MYOM2: variants seen among roughly 807,000 people sequenced by gnomAD.
MYOM2 encodes myomesin 2, also known as myomesin-2.
In MYOM2, 254 loss-of-function variants were observed where a neutral mutation model predicts 187.6. The observed-to-expected ratio is 1.35, with a 90% CI of 1.22 to 1.50. The LOEUF (loss-of-function observed/expected upper bound fraction) is 1.50, where lower values mean the gene tolerates loss of function less well. MYOM2 is among the 40% of genes most tolerant of loss of function. The pLI, the probability that MYOM2 is intolerant of heterozygous loss-of-function variation, is 0.00. For missense variants in MYOM2, 2,796 were observed against 1,924.0 expected (o/e 1.45, Z -8.48); for synonymous variants, 981 against 753.8 (o/e 1.30, Z -4.94).
At chr8:2,096,491 G>C in intron 18 of MYOM2, 57 bp downstream of exon 18, 1 of 1,553,886 alleles carries the variant, frequency 6.4e-7, no homozygotes, top group African/African-American at 1.4e-5. Flanking sequence ...TTACATTTTT[G>C]GCAATGTTTC....
chr8:2,134,606 T>C lies in MYOM2; in HGVS notation c.3800+5374T>C, dbSNP rs184128846. Among the ~76,000 whole-genome samples, 712 of 152,334 alleles carry C rather than the reference T, an allele frequency of 4.7e-3. 13 individuals are homozygous for C. Among genetic ancestry groups the C allele is most frequent in the East Asian group, 0.045 (231 of 5,174 alleles). The stretch of plus-strand genomic sequence containing the variant: ...TTCCCTTTTCCTTTTACATTTGTTC[T>C]GCTGGGAGGCGCTGGCCTCTCCTCT... On this transcript the variant is annotated intron_variant, in intron 32 of 36. Coordinates refer to ENST00000262113, the MANE Select transcript of MYOM2 (RefSeq NM_003970.4).
rs774079900 is a variant in MYOM2, at chr8:2,144,738, C to T, written c.4155C>T (p.Ile1385=). ...TTTGGTTCAAGAACGACCAGGACAT[C>T]CAGCTCAGCGAGCACTTCTCGGTGA... ...EVIWFKNDQD[I]QLSEHFSVKV... Residue 1385 remains isoleucine, a synonymous_variant, in exon 37 of 37, where the codon ATC becomes ATT. Transcript: ENST00000262113. 3 of 1,614,158 alleles carry T rather than the reference C, an allele frequency of 1.9e-6. No individual in the cohort carries two copies. The Admixed American group carries it at 5.0e-5, about 27-fold the overall frequency.
intron 27 of MYOM2, among the ~76,000 whole-genome samples, 199 bp from the exon 28 acceptor site, chr8:2,117,686 C>T (rs755051756): frequency 6.6e-6 from 1 of 152,008 alleles, no homozygotes; most frequent in Non-Finnish European, 1.5e-5. Flanking sequence ...ACATCCCAGG[C>T]CTGAAAACTA....
rs142648200 is a variant in MYOM2, at chr8:2,089,865, C to T, written c.1645-143C>T. 7 of 595,516 alleles carry T rather than the reference C, an allele frequency of 1.2e-5. No homozygotes were observed. In the African/African-American group the frequency reaches 1.3e-4, roughly 11 times the overall value. The allele number at this position is 595,516 out of a possible 1,614,324, so 36.9% of individuals were successfully genotyped here. ...TGTTTCATAAAACTCAAAAAAGATG[C>T]ATGACCATCCTTTGTGTGCGAGACG... On this transcript the variant is annotated intron_variant, in intron 14 of 36. Transcript: ENST00000262113.
intron 6 of MYOM2, among the ~76,000 whole-genome samples, chr8:2,061,191 G>T (rs201732439): frequency 6.6e-6 from 1 of 151,690 alleles, no homozygotes; most frequent in East Asian, 2.0e-4. Context: ...TGAGGGAGGG[G>T]GTCTCTGTCC....
intron 32 of MYOM2, among the ~76,000 whole-genome samples, chr8:2,138,462 G>C (rs1186755683): frequency 2.0e-5 from 3 of 152,216 alleles, no homozygotes; most frequent in African/African-American, 7.2e-5. Flanking sequence ...ATTCCTGAAG[G>C]ATTGCCTGGT....
At chr8:2,142,222 C>A (rs1414176052) in intron 34 of MYOM2, among the ~76,000 whole-genome samples, 153 bp from the exon 35 acceptor site, 1 of 152,190 alleles carries the variant, frequency 6.6e-6, no homozygotes, top group East Asian at 1.9e-4. Context: ...TCCTGGGGTC[C>A]TGTGACCCGA....
chr8:2,056,702 C>A (rs1818677507), intron 3 of MYOM2, among the ~76,000 whole-genome samples: 1 of 152,164 alleles, frequency 6.6e-6, no homozygotes, highest in South Asian at 2.1e-4. Context: ...TGCTGCCCTG[C>A]AGAGGAAAAC....
intron 3 of MYOM2, among the ~76,000 whole-genome samples, chr8:2,053,995 C>T (rs1444006623): frequency 2.0e-5 from 3 of 152,164 alleles, no homozygotes; most frequent in Non-Finnish European, 4.4e-5. Flanking sequence ...GAAGCCTGCT[C>T]TATCACCGTC....
intron 10 of MYOM2, among the ~76,000 whole-genome samples, chr8:2,074,734 G>T (rs376913526): frequency 6.0e-4 from 92 of 152,292 alleles, no homozygotes; most frequent in African/African-American, 2.1e-3. Flanking sequence ...TGGGATTACA[G>T]GTGTGAGCCA....
chr8:2,116,328 G>A (rs1797244684), intron 27 of MYOM2, 53 bp downstream of exon 27: 8 of 1,505,078 alleles, frequency 5.3e-6, no homozygotes, highest in African/African-American at 1.4e-5. Context: ...AAGCAAAGAT[G>A]ATTGGAGTAT....
intron 8 of MYOM2, among the ~76,000 whole-genome samples, chr8:2,070,041 A>G (rs1819160515): frequency 6.6e-6 from 1 of 152,156 alleles, no homozygotes; most frequent in Non-Finnish European, 1.5e-5. Context: ...CTGGCCCTGT[A>G]ATGAGGCGAA....
intron 3 of MYOM2, among the ~76,000 whole-genome samples, chr8:2,056,659 G>A (rs1357905864): frequency 6.6e-6 from 1 of 152,118 alleles, no homozygotes; most frequent in Non-Finnish European, 1.5e-5. Flanking sequence ...CTCAGAAACT[G>A]CATCCTTCTC....
At chr8:2,132,813 A>C (rs377109836) in intron 32 of MYOM2, among the ~76,000 whole-genome samples, 1 of 152,310 alleles carries the variant, frequency 6.6e-6, no homozygotes, top group South Asian at 2.1e-4. Flanking sequence ...GCAGAGTCTG[A>C]CTTTGTAAAT....
rs1317220703 is a variant in MYOM2, at chr8:2,106,237, T to C, written c.2735-5T>C. ...AGCCGCTCACTTCATACTCTTCTTATGCAGGCACCAAGGAAATCAGTGCTG... is the reference window on the plus strand; with the variant it reads ...AGCCGCTCACTTCATACTCTTCTTACGCAGGCACCAAGGAAATCAGTGCTG... On this transcript the variant is annotated splice_region_variant and splice_polypyrimidine_tract_variant and intron_variant, in intron 21 of 36. Coordinates refer to ENST00000262113, the MANE Select transcript of MYOM2 (RefSeq NM_003970.4). 26 of 1,613,804 alleles carry C rather than the reference T, an allele frequency of 1.6e-5. No homozygotes were observed. The highest frequency in any genetic ancestry group is 1.7e-5 in the Admixed American group (1 of 59,992).
rs192651012 is a variant in MYOM2, at chr8:2,098,774, A to G, written c.2314-83A>G. On this transcript the variant is annotated intron_variant, in intron 18 of 36. Coordinates refer to ENST00000262113, the MANE Select transcript of MYOM2 (RefSeq NM_003970.4). ...CCTTCCTCTCATATTTTATTTCACA[A>G]GCCAGTTATAACAACTCCTCCCCCT... 3.2e-3 allele frequency: 4,421 copies of G among 1,387,204 alleles called. 9 individuals are homozygous for G. Among genetic ancestry groups the G allele is most frequent in the Non-Finnish European group, 3.9e-3 (4,054 of 1,031,328 alleles). The allele number at this position is 1,387,204 out of a possible 1,614,324, so 85.9% of individuals were successfully genotyped here.
intron 32 of MYOM2, among the ~76,000 whole-genome samples, chr8:2,133,440 C>G (rs575821220): frequency 6.6e-6 from 1 of 152,096 alleles, no homozygotes; most frequent in African/African-American, 2.4e-5. Flanking sequence ...TCGGAGGCGC[C>G]GGCTCTGTTC....
chr8:2,071,037 G>A (rs141512257), intron 8 of MYOM2, among the ~76,000 whole-genome samples: 49 of 152,222 alleles, frequency 3.2e-4, no homozygotes, highest in African/African-American at 1.2e-3. Context: ...GTGCGATCTT[G>A]GCTCACTGCA....
chr8:2,069,178 C>A, intron 6 of MYOM2, 100 bp from the exon 7 acceptor site: 1 of 1,134,014 alleles, frequency 8.8e-7, no homozygotes, highest in Non-Finnish European at 1.3e-6. Flanking sequence ...AAATAAACCA[C>A]GCCATGTGAT....
Sources: gnomAD v4.1 joint callset for allele counts (sites outside exome capture counted in the v4.1 genomes callset) on GRCh38, gnomAD v4.1.1 for gene constraint, MANE v1.5 for transcripts, NCBI Gene and HGNC (gene_info 2026-07-23, HGNC 2026-07-21) for gene names.